Variants in PARD3 observed in about 807,000 individuals in gnomAD.
PARD3 encodes partitioning defective 3 homolog.
A neutral mutation model predicts 155.4 loss-of-function variants in PARD3; 75 were observed. The ratio of observed to expected loss-of-function variants is 0.48; its 90% CI spans 0.40 to 0.58. PARD3 has a LOEUF of 0.58. Ranked by LOEUF, PARD3 falls within the 20% of genes least tolerant of loss-of-function variation. The pLI is 0.00. For synonymous variants in PARD3, 576 were observed against 610.5 expected, an observed-to-expected ratio of 0.94 and a Z score of 0.83; for missense variants, 1,642 against 1,721.7, an observed-to-expected ratio of 0.95 and a Z score of 0.82.
rs1835581625 is a variant in PARD3 at position 34,331,195 on chromosome 10, T to C, written c.2755A>G (p.Asn919Asp). 1 of 1,613,946 alleles carries C rather than the reference T, an allele frequency of 6.2e-7. No homozygotes were observed. The highest frequency in any genetic ancestry group is 8.5e-7 in the Non-Finnish European group (1 of 1,179,992). ...RPRIIRGRGC[N>D]ESFRAAIDKS... ...TCGATGGCAGCTCTGAAGCTCTCATTGCATCCCCTGCCTCTGATTATCCGC... is the reference window on the plus strand; with the variant it reads ...TCGATGGCAGCTCTGAAGCTCTCATCGCATCCCCTGCCTCTGATTATCCGC... The change falls in exon 19 of 25, where the codon AAT becomes GAT. Residue 919 changes from asparagine (N) to aspartate (D), a missense_variant. Coordinates refer to ENST00000374788, the MANE Select transcript of PARD3 (RefSeq NM_001184785.2).
intron 2 of PARD3, among the ~76,000 whole-genome samples, chr10:34,548,019 A>G (rs1213770282): frequency 6.6e-6 from 1 of 152,254 alleles, no homozygotes; most frequent in African/African-American, 2.4e-5. Context: ...CTACTGATCA[A>G]GCACACAGTC....
chr10:34,222,653 A>G (rs1486583641), intron 22 of PARD3, among the ~76,000 whole-genome samples: 3 of 152,228 alleles, frequency 2.0e-5, no homozygotes, highest in Non-Finnish European at 2.9e-5. Context: ...CCCAAGGTCC[A>G]GAAAGCACTT....
chr10:34,286,152 T>C (rs1198485787), intron 20 of PARD3, among the ~76,000 whole-genome samples: 1 of 152,172 alleles, frequency 6.6e-6, no homozygotes, highest in East Asian at 1.9e-4. Context: ...CTTTACAGAA[T>C]GAATGAATAA....
At chr10:34,740,365 G>C (rs1421625451) in intron 1 of PARD3, among the ~76,000 whole-genome samples, 3 of 152,226 alleles carry the variant, frequency 2.0e-5, no homozygotes. Flanking sequence ...AAATGGATCA[G>C]TGCATCTGGT....
chr10:34,170,097 C>T (rs1338172417), intron 22 of PARD3, among the ~76,000 whole-genome samples: 2 of 152,138 alleles, frequency 1.3e-5, no homozygotes, highest in Non-Finnish European at 2.9e-5. Context: ...TTTGTTGTTG[C>T]TATTTTTTGA....
At chr10:34,261,611 C>A (rs992303510) in intron 22 of PARD3, among the ~76,000 whole-genome samples, 4 of 151,824 alleles carry the variant, frequency 2.6e-5, no homozygotes, top group African/African-American at 9.7e-5. Context: ...ATTGCTTGAA[C>A]CCAGGAGGCT....
intron 22 of PARD3, among the ~76,000 whole-genome samples, chr10:34,171,129 C>T (rs1949767537): frequency 6.6e-6 from 1 of 152,188 alleles, no homozygotes; most frequent in African/African-American, 2.4e-5. Context: ...TTTATACACA[C>T]TATCCATCCA....
intron 21 of PARD3, among the ~76,000 whole-genome samples, chr10:34,274,552 C>T (rs561854430): frequency 6.6e-6 from 1 of 152,224 alleles, no homozygotes; most frequent in East Asian, 1.9e-4. Context: ...ATTTGGTCAC[C>T]ATTCATCAGT....
chr10:34,736,647 TTA>T (rs1564563561), intron 1 of PARD3, among the ~76,000 whole-genome samples: 40 of 117,854 alleles, frequency 3.4e-4, no homozygotes, highest in African/African-American at 5.3e-4. Flanking sequence ...ACTTTATTAA[TTA>T]ATTAATTTAT....
At chr10:34,324,398 GA>G (rs567336209) in intron 19 of PARD3, among the ~76,000 whole-genome samples, 31 of 152,270 alleles carry the variant, frequency 2.0e-4, no homozygotes, top group Non-Finnish European at 3.1e-4. Context: ...ATTGTCGGGG[GA>G]AAAGTTTCTT....
At chr10:34,534,387 G>A (rs2083075770) in intron 2 of PARD3, among the ~76,000 whole-genome samples, 1 of 152,124 alleles carries the variant, frequency 6.6e-6, no homozygotes, top group Admixed American at 6.5e-5. Flanking sequence ...GTGCCTCTCA[G>A]GCTGAAGAGC....
chr10:34,495,714 C>T (rs971061997), intron 3 of PARD3, among the ~76,000 whole-genome samples: 16 of 151,724 alleles, frequency 1.1e-4, no homozygotes, highest in Admixed American at 9.2e-4. Flanking sequence ...CAGGAGTCAG[C>T]TTAGAGGGGT....
intron 2 of PARD3, among the ~76,000 whole-genome samples, chr10:34,609,007 C>T (rs958994315): frequency 3.3e-5 from 5 of 152,164 alleles, no homozygotes; most frequent in Non-Finnish European, 7.4e-5. Flanking sequence ...GATTTTCTCT[C>T]AACTGACTAG....
At chr10:34,605,519 ATCTCCTATATATATCTCC>A (rs2090180993) in intron 2 of PARD3, among the ~76,000 whole-genome samples, 1 of 56,960 alleles carries the variant, frequency 1.8e-5, no homozygotes, top group African/African-American at 6.3e-5. Context: ...ATATATATAT[ATCTCCTATATATATCTCC>A]TATATATATA....
chr10:34,383,973 T>C (rs1176818040), intron 8 of PARD3, among the ~76,000 whole-genome samples, 156 bp downstream of exon 8: 2 of 152,248 alleles, frequency 1.3e-5, no homozygotes, highest in African/African-American at 4.8e-5. Context: ...TGGTATTAAT[T>C]ACTGAGTATG....
At chr10:34,260,411 C>T (rs1954895598) in intron 22 of PARD3, among the ~76,000 whole-genome samples, 1 of 152,138 alleles carries the variant, frequency 6.6e-6, no homozygotes, top group African/African-American at 2.4e-5. Context: ...GGGCTGGGAT[C>T]TGGAAGACTG....
chr10:34,346,212 G>C (rs1837406610), intron 15 of PARD3: 1 of 1,150,170 alleles, frequency 8.7e-7, no homozygotes, highest in Non-Finnish European at 1.1e-6. Flanking sequence ...AACCGAAGAG[G>C]ACTAATGAAG....
At chr10:34,360,859 C>T (rs1839370143) in intron 12 of PARD3, among the ~76,000 whole-genome samples, 1 of 152,086 alleles carries the variant, frequency 6.6e-6, no homozygotes, top group South Asian at 2.1e-4. Context: ...TTGTAGCATA[C>T]ATAATATAGC....
At chr10:34,476,707 A>C (rs947691444) in intron 3 of PARD3, among the ~76,000 whole-genome samples, 3 of 152,100 alleles carry the variant, frequency 2.0e-5, no homozygotes, top group African/African-American at 7.3e-5. Flanking sequence ...CCTCATCCTG[A>C]GAGAATAATA....
Sources: allele counts gnomAD v4.1 joint callset (sites outside exome capture counted in the v4.1 genomes callset), GRCh38; gene constraint gnomAD v4.1.1; transcripts MANE v1.5; gene names NCBI Gene and HGNC (gene_info 2026-07-23, HGNC 2026-07-21).